ACACA: variants seen among roughly 807,000 people sequenced by gnomAD.
ACACA encodes acetyl-CoA carboxylase alpha.
In ACACA, 103 loss-of-function variants were observed where a neutral mutation model predicts 296.1. The ratio of observed to expected loss-of-function variants is 0.35; its 90% CI spans 0.30 to 0.41. The LOEUF is 0.41. Among genes scored for constraint, ACACA ranks in the 10% least tolerant of loss-of-function variants. The probability of loss-of-function intolerance (pLI) is 1.00; values close to 1 mark genes in which losing one functional copy is unlikely to be tolerated. For missense variants in ACACA, 1,554 were observed against 2,989.7 expected, an observed-to-expected ratio of 0.52 and a Z score of 11.20; for synonymous variants, 953 against 1,038.6, an observed-to-expected ratio of 0.92 and a Z score of 1.58.
At chr17:37,235,171 C>T in intron 24 of ACACA, 72 bp from the exon 25 acceptor site, 1 of 1,570,568 alleles carries the variant, frequency 6.4e-7, no homozygotes, top group Non-Finnish European at 8.7e-7. Context: ...TTGTTTTGTA[C>T]TGTCTATAAT....
intron 1 of ACACA, among the ~76,000 whole-genome samples, chr17:37,359,408 G>A (rs2049307040): frequency 1.0e-5 from 1 of 96,304 alleles, no homozygotes; most frequent in Non-Finnish European, 2.0e-5. Context: ...CGGCTAGAGG[G>A]CGGGCGGGCC....
At chr17:37,205,734 A>G in intron 33 of ACACA, 31 bp downstream of exon 33, 1 of 1,541,246 alleles carries the variant, frequency 6.5e-7, no homozygotes, top group Non-Finnish European at 9.0e-7. Flanking sequence ...GAAAGGGGAC[A>G]TCACGAGCTT....
In ACACA at chr17:37,248,137, T is replaced by G; in HGVS notation, c.2183A>C (p.Asn728Thr). The G allele has an allele frequency of 6.2e-7, 1 of 1,614,086 alleles. No individual in the cohort carries two copies. Among genetic ancestry groups the G allele is most frequent in the Non-Finnish European group, 8.5e-7 (1 of 1,180,000 alleles). Residue 728 changes from asparagine (N) to threonine (T), a missense_variant, in exon 18 of 56, where the codon AAC (asparagine) becomes ACC (threonine). This residue lies in a region of ACACA where 316 missense variants were observed against 540.9 expected (regional missense o/e 0.58). Transcript: ENST00000616317. ...GCCATTCATGATCACCACATAGGAG[T>G]TGGGGGACTGTCGAGTCACCTGTAG... ...YVLKVTRQSP[N>T]SYVVIMNGSC...
chr17:37,380,888 G>GCA (rs1478516386), intron 1 of ACACA, among the ~76,000 whole-genome samples: 300 of 148,862 alleles, frequency 2.0e-3, no homozygotes, highest in Middle Eastern at 6.9e-3. Context: ...GAGCCACCGT[G>GCA]CCTGGCCAGG....
chr17:37,225,791 A>G (rs1253955491), intron 26 of ACACA, among the ~76,000 whole-genome samples: 1 of 152,246 alleles, frequency 6.6e-6, no homozygotes, highest in Non-Finnish European at 1.5e-5. Flanking sequence ...GTCAATGCCC[A>G]TGCACTGAAA....
rs2076998202 is a variant in ACACA, at chr17:37,174,004, ATATATATATATATATATT to A, written c.5079+5238_5079+5255del. 5.4e-4 allele frequency among the ~76,000 whole-genome samples: 6 copies of A among 11,170 alleles called. 1 individual carries two copies. Among genetic ancestry groups the A allele is most frequent in the South Asian group, 3.3e-3 (1 of 300 alleles). The allele number at this position is 11,170 out of a possible 152,430, so 7.3% of individuals were successfully genotyped here. Reference sequence around the variant, plus strand: ...AATTTATATATATATATATATATATATATATATATATATATATTTTTTTTTTTTTTTTTTTTTGTAGCG... The same window carrying A: ...AATTTATATATATATATATATATATATTTTTTTTTTTTTTTTTTTGTAGCG... On this transcript the variant is annotated intron_variant, in intron 41 of 55. Transcript: ENST00000616317.
At chr17:37,239,327 C>T (rs2080275533) in intron 24 of ACACA, among the ~76,000 whole-genome samples, 2 of 152,124 alleles carry the variant, frequency 1.3e-5, no homozygotes. Flanking sequence ...AGATATATTG[C>T]TTTATTACTT....
At chr17:37,125,486 C>T (rs78813599) in intron 48 of ACACA, among the ~76,000 whole-genome samples, 1,914 of 152,264 alleles carry the variant, frequency 0.013, 30 homozygotes, top group African/African-American at 0.043. Flanking sequence ...CAAAATTAGC[C>T]TTCAGATTAA....
chr17:37,122,942 C>T, intron 48 of ACACA: 1 of 463,106 alleles, frequency 2.2e-6, no homozygotes, highest in South Asian at 2.1e-5. Context: ...CACATCCCTA[C>T]CCCTGTGGCT....
At chr17:37,403,368 C>CTT (rs36037660) in intron 1 of ACACA, among the ~76,000 whole-genome samples, 35 of 112,148 alleles carry the variant, frequency 3.1e-4, no homozygotes, top group African/African-American at 9.2e-4. Context: ...TTTGCCACAT[C>CTT]TTTTTTTTTT....
chr17:37,095,187 C>T (rs1403197737), intron 54 of ACACA, among the ~76,000 whole-genome samples: 2 of 152,220 alleles, frequency 1.3e-5, no homozygotes, highest in South Asian at 2.1e-4. Context: ...CCTGGCCACA[C>T]ACATACACAC....
chr17:37,327,273 C>CAT (rs10645751), intron 3 of ACACA, among the ~76,000 whole-genome samples: 7,668 of 152,224 alleles, frequency 0.05, 615 homozygotes, highest in African/African-American at 0.17. Flanking sequence ...TGGCAGATGT[C>CAT]ATAACAGAGG....
chr17:37,296,245 G>C (rs997002342), intron 3 of ACACA, among the ~76,000 whole-genome samples: 26 of 150,552 alleles, frequency 1.7e-4, no homozygotes, highest in Non-Finnish European at 3.5e-4. Context: ...CTACTCGCTT[G>C]CATGATTCTC....
intron 6 of ACACA, 47 bp downstream of exon 6, chr17:37,277,849 A>G: frequency 1.4e-6 from 2 of 1,461,898 alleles, no homozygotes; most frequent in South Asian, 2.3e-5. Context: ...GTGCCTAACT[A>G]TAAAATGGCT....
At chr17:37,269,625 T>C (rs1204457246) in intron 10 of ACACA, among the ~76,000 whole-genome samples, 1 of 151,796 alleles carries the variant, frequency 6.6e-6, no homozygotes, top group Non-Finnish European at 1.5e-5. Context: ...TATTGTAAAG[T>C]TGTTTGTTTG....
chr17:37,213,344 G>C lies in ACACA; in HGVS notation c.3684-2854C>G, dbSNP rs1217344740. Among the ~76,000 whole-genome samples, 79 of 94,236 alleles carry C rather than the reference G, an allele frequency of 8.4e-4. 1 individual carries two copies. Among genetic ancestry groups the C allele is most frequent in the Admixed American group, 6.5e-3 (53 of 8,168 alleles). 61.8% of individuals were successfully genotyped at this position (94,236 alleles called of 152,430 possible). A position where few individuals can be genotyped will look rare whatever the true frequency, so the allele number is the denominator to read the frequency against. Reference sequence around the variant, plus strand: ...TACTCCAGCCTGGGTGACAAAGTAAGTCTCAAAAAAAAAAAAAAAAAAAAA... The same window carrying C: ...TACTCCAGCCTGGGTGACAAAGTAACTCTCAAAAAAAAAAAAAAAAAAAAA... On this transcript the variant is annotated intron_variant, in intron 29 of 55. Transcript: ENST00000616317.
At chr17:37,369,670 C>T (rs2049730670) in intron 1 of ACACA, among the ~76,000 whole-genome samples, 1 of 151,628 alleles carries the variant, frequency 6.6e-6, no homozygotes, top group Admixed American at 6.6e-5. Flanking sequence ...AGGCAAAACT[C>T]ATTTGTGATG....
At chr17:37,393,824 A>G (rs2050981406) in intron 1 of ACACA, among the ~76,000 whole-genome samples, 1 of 152,114 alleles carries the variant, frequency 6.6e-6, no homozygotes, top group Non-Finnish European at 1.5e-5. Flanking sequence ...TCAAAGAAAA[A>G]AAAAAAAAGA....
chr17:37,357,476 G>A (rs796856759), intron 1 of ACACA, among the ~76,000 whole-genome samples: 6 of 152,314 alleles, frequency 3.9e-5, no homozygotes, highest in African/African-American at 1.4e-4. Context: ...CTGGGTGACA[G>A]AGCAAGACTC....
Sources: allele counts gnomAD v4.1 joint callset (sites outside exome capture counted in the v4.1 genomes callset), GRCh38; gene constraint gnomAD v4.1.1; regional missense constraint gnomAD v4.1.1; transcripts MANE v1.5; gene names NCBI Gene and HGNC (gene_info 2026-07-23, HGNC 2026-07-21).